Variants in PTPRA observed in about 807,000 individuals in gnomAD.
The protein encoded by PTPRA is protein tyrosine phosphatase receptor type A, also known as receptor-type tyrosine-protein phosphatase alpha.
PTPRA carries 25 observed loss-of-function variants against 104.8 expected under a neutral mutation model. That is an observed-to-expected ratio of 0.24 (90% CI 0.17 to 0.33). PTPRA has a LOEUF of 0.33. Among genes scored for constraint, PTPRA ranks in the 10% least tolerant of loss-of-function variants. The probability of loss-of-function intolerance (pLI) is 1.00; values close to 1 mark genes in which losing one functional copy is unlikely to be tolerated. For missense variants in PTPRA, 765 were observed against 1,015.3 expected (o/e 0.75, Z 3.35); for synonymous variants, 323 against 368.9 (o/e 0.88, Z 1.43).
chr20:2,981,121 T>C (rs890182349), intron 6 of PTPRA, among the ~76,000 whole-genome samples: 18 of 152,134 alleles, frequency 1.2e-4, no homozygotes, highest in Middle Eastern at 3.4e-3. Flanking sequence ...GTAGACCTGC[T>C]CTGGTGTCAA....
At chr20:2,866,292 G>A in the PTPRA span, 1 of 1,614,126 alleles carries the variant, frequency 6.2e-7, no homozygotes, top group South Asian at 1.1e-5. Flanking sequence ...CCGAGCAGAA[G>A]GTCAAGGCTT....
chr20:2,971,366 C>T (rs2062180178), intron 5 of PTPRA, among the ~76,000 whole-genome samples: 1 of 151,934 alleles, frequency 6.6e-6, no homozygotes, highest in South Asian at 2.1e-4. Context: ...TTTCTTCCAT[C>T]AGATCTTCTA....
chr20:3,026,328 G>C (rs541519113), intron 17 of PTPRA, among the ~76,000 whole-genome samples: 1 of 152,338 alleles, frequency 6.6e-6, no homozygotes, highest in Non-Finnish European at 1.5e-5. Context: ...GCCTCAATCG[G>C]GAAGGGAGGA....
rs1235449698 is a variant in PTPRA at position 3,035,883 on chromosome 20, G to A, written c.2140G>A (p.Ala714Thr). 5.0e-6 allele frequency: 8 copies of A among 1,613,930 alleles called. No homozygotes were observed. The highest frequency in any genetic ancestry group is 2.7e-5 in the African/African-American group (2 of 74,934). ...CGGAAAGGGCATGATCAGCATCATCGCCGCCGTGCAGAAGCAGCAGCAGCA... is the reference window on the plus strand; with the variant it reads ...CGGAAAGGGCATGATCAGCATCATCACCGCCGTGCAGAAGCAGCAGCAGCA... Reference protein sequence around the residue: ...SDGKGMISIIAAVQKQQQQSG... With the variant: ...SDGKGMISIITAVQKQQQQSG... The change falls in exon 22 of 24, where the codon GCC becomes ACC. Residue 714 changes from alanine (A) to threonine (T), a missense_variant. Ala to Thr is a moderately conservative substitution (Grantham distance 58). Coordinates refer to ENST00000399903, the MANE Select transcript of PTPRA (RefSeq NM_001385305.1). This position sits in a 1 kb window ranked among gnomAD's most constrained non-coding sequence, Gnocchi z 5.8.
At chr20:3,004,173 A>G (rs930309154) in intron 9 of PTPRA, among the ~76,000 whole-genome samples, 2 of 152,132 alleles carry the variant, frequency 1.3e-5, no homozygotes, top group Non-Finnish European at 2.9e-5. Flanking sequence ...GTGCACCACC[A>G]TACCCAGCTA....
At chr20:2,953,333 C>T (rs1266622730) in intron 3 of PTPRA, among the ~76,000 whole-genome samples, 7 of 152,034 alleles carry the variant, frequency 4.6e-5, no homozygotes. Context: ...CGGCTCACTG[C>T]AACCTCTGCC....
chr20:2,925,334 T>G (rs1448385200), intron 2 of PTPRA, among the ~76,000 whole-genome samples: 1 of 152,272 alleles, frequency 6.6e-6, no homozygotes, highest in Non-Finnish European at 1.5e-5. Context: ...CAAAGGTATC[T>G]TGTTTATTTC....
intron 1 of PTPRA, among the ~76,000 whole-genome samples, chr20:2,922,463 C>G (rs1460217879): frequency 6.6e-6 from 1 of 151,992 alleles, no homozygotes. Flanking sequence ...CCTCAGCCTC[C>G]CAAGTAACTG....
At chr20:2,909,556 TG>T (rs2059547854) in intron 1 of PTPRA, among the ~76,000 whole-genome samples, 1 of 151,652 alleles carries the variant, frequency 6.6e-6, no homozygotes, top group Admixed American at 6.6e-5. Context: ...CACTCCAGCC[TG>T]GATGAGAGTG....
At position 2,910,390 on chromosome 20, in the gene PTPRA, TTA is replaced by T. The variant is rs1385444664; in HGVS notation, c.-128-12810_-128-12809del. Among the ~76,000 whole-genome samples, 4 of 104,906 alleles carry T rather than the reference TTA, an allele frequency of 3.8e-5. 1 individual carries two copies. The highest frequency in any genetic ancestry group is 1.4e-4 in the African/African-American group (3 of 20,708). The allele number at this position is 104,906 out of a possible 152,430, so 68.8% of individuals were successfully genotyped here. On this transcript the variant is annotated intron_variant, in intron 1 of 23. Coordinates refer to ENST00000399903, the MANE Select transcript of PTPRA (RefSeq NM_001385305.1). ...TAATATATTTTGTATATTATATATT[TTA>T]TATATAATATATTTTGTATATTATA...
rs1211899213 is a variant in PTPRA at position 2,953,443 on chromosome 20, T to C, written c.-7+5419T>C. Among the ~76,000 whole-genome samples, 4 of 151,188 alleles carry C rather than the reference T, an allele frequency of 2.6e-5. No individual in the cohort carries two copies. In the East Asian group the frequency reaches 7.8e-4, roughly 29 times the overall value. ...TAATTTTTTGTATTTTTAGTAGAGG[T>C]GGGGTTTCACTGTGTTAATCAGGAT... is the stretch of plus-strand genomic sequence containing the variant. On this transcript the variant is annotated intron_variant, in intron 3 of 23. Coordinates refer to ENST00000399903, the MANE Select transcript of PTPRA (RefSeq NM_001385305.1).
intron 17 of PTPRA, among the ~76,000 whole-genome samples, chr20:3,025,463 A>G (rs961781881): frequency 1.3e-5 from 2 of 151,100 alleles, no homozygotes; most frequent in Non-Finnish European, 3.0e-5. Flanking sequence ...AAAAAAAAAA[A>G]AAAAAAAAGT....
At chr20:2,928,481 A>G (rs1022506876) in intron 2 of PTPRA, among the ~76,000 whole-genome samples, 1 of 152,050 alleles carries the variant, frequency 6.6e-6, no homozygotes, top group African/African-American at 2.4e-5. Flanking sequence ...GTTGCCTATT[A>G]TTTTTCCTCA....
rs59358849 is a variant in PTPRA at position 3,003,700 on chromosome 20, ATTT to A, written c.739-1335_739-1333del. On this transcript the variant is annotated intron_variant, in intron 9 of 23. Coordinates refer to ENST00000399903, the MANE Select transcript of PTPRA (RefSeq NM_001385305.1). ...CAGGCATGCACCACCATACCTGGCTATTTTTTTTTTTTTTTTTTTTTTTAATGT... is the reference window on the plus strand; with the variant it reads ...CAGGCATGCACCACCATACCTGGCTATTTTTTTTTTTTTTTTTTTTAATGT... 6.3e-4 allele frequency among the ~76,000 whole-genome samples: 66 copies of A among 105,534 alleles called. 1 individual carries two copies. Among genetic ancestry groups the A allele is most frequent in the African/African-American group, 1.5e-3 (40 of 27,462 alleles). The allele number at this position is 105,534 out of a possible 152,430, so 69.2% of individuals were successfully genotyped here. A position where few individuals can be genotyped will look rare whatever the true frequency, so the allele number is the denominator to read the frequency against.
chr20:3,021,248 C>T, intron 13 of PTPRA, 61 bp from the exon 14 acceptor site: 1 of 1,607,672 alleles, frequency 6.2e-7, no homozygotes, highest in Non-Finnish European at 8.5e-7. Context: ...CTTCCAGGCC[C>T]TTTGCATCTG....
chr20:2,874,364 T>A (rs1217140381), intron 1 of PTPRA, among the ~76,000 whole-genome samples: 1 of 151,414 alleles, frequency 6.6e-6, no homozygotes, highest in Non-Finnish European at 1.5e-5. Context: ...TTTGAAAAAA[T>A]TAGTTACTAA....
chr20:2,958,563 A>G (rs1321093610), intron 3 of PTPRA, among the ~76,000 whole-genome samples: 2 of 149,746 alleles, frequency 1.3e-5, no homozygotes, highest in Non-Finnish European at 3.0e-5. Flanking sequence ...GCTCACACCT[A>G]TAATCCTAGC....
intron 1 of PTPRA, among the ~76,000 whole-genome samples, chr20:2,905,376 C>A (rs2059387034): frequency 6.6e-6 from 1 of 152,204 alleles, no homozygotes; most frequent in South Asian, 2.1e-4. Context: ...GTTGAACACT[C>A]ATGGCTGGTT....
the PTPRA span, chr20:2,865,442 T>G: frequency 1.2e-6 from 2 of 1,614,126 alleles, no homozygotes; most frequent in South Asian, 2.2e-5. The surrounding 1 kb of genome is among the most constrained non-coding windows in gnomAD (Gnocchi z 5.2). Context: ...TTTGGAAGAT[T>G]GGGAAGAGCT....
Sources: allele counts gnomAD v4.1 joint callset (sites outside exome capture counted in the v4.1 genomes callset), GRCh38; gene constraint gnomAD v4.1.1; non-coding constraint Gnocchi (gnomAD v3.1); transcripts MANE v1.5; gene names NCBI Gene and HGNC (gene_info 2026-07-23, HGNC 2026-07-21).